Variants in TADA3 observed in about 807,000 individuals in gnomAD.
The protein encoded by TADA3 is transcriptional adapter 3.
Under a neutral mutation model 43.2 loss-of-function variants are expected in TADA3, and 25 were observed. That is an observed-to-expected ratio of 0.58 (90% CI 0.42 to 0.81). The LOEUF (loss-of-function observed/expected upper bound fraction) is 0.81, where lower values mean the gene tolerates loss of function less well. TADA3 is among the 30% of genes least tolerant of loss of function. The pLI is 0.00. For missense variants in TADA3, 441 were observed against 567.8 expected (o/e 0.78, Z 2.27); for synonymous variants, 235 against 225.5 (o/e 1.04, Z -0.38).
In TADA3 at chr3:9,790,004, AAC is replaced by A; in HGVS notation, c.208-43_208-42del. On this transcript the variant is annotated intron_variant, in intron 2 of 8. Transcript: ENST00000301964. ...AGTGTCACTGAGGGGGAGAAGGGAA[AAC>A]ACAGAATATCTCTTTCCTCTAGTGA... 1.9e-6 allele frequency: 3 copies of A among 1,541,032 alleles called. No homozygotes were observed. The South Asian group carries it at 3.8e-5, about 20-fold the overall frequency.
At chr3:9,787,943 G>A (rs913043622) in intron 4 of TADA3, 12 of 357,108 alleles carry the variant, frequency 3.4e-5, no homozygotes, top group African/African-American at 4.3e-5. Flanking sequence ...CAGCGAGGAG[G>A]CTGTGGTGTC....
intron 4 of TADA3, among the ~76,000 whole-genome samples, chr3:9,788,898 T>G (rs2125625910): frequency 6.7e-6 from 1 of 149,964 alleles, no homozygotes; most frequent in Non-Finnish European, 1.5e-5. Context: ...TGCAGTGGCG[T>G]GATCTCGGCT....
Position 9,787,193 on chromosome 3 carries a change from G to GA in TADA3, c.706+5_706+6insT. ...CCTGGGGTTGGCAGGGAGGTGAGAG[G>GA]CCTACCTTTAGTGTCCAGTTCGGTC... On this transcript the variant is annotated splice_donor_region_variant and intron_variant, in intron 5 of 8. Coordinates refer to ENST00000301964, the MANE Select transcript of TADA3 (RefSeq NM_006354.5). 1 of 1,614,150 alleles carries GA rather than the reference G, an allele frequency of 6.2e-7. No individual in the cohort carries two copies. Among genetic ancestry groups the GA allele is most frequent in the Non-Finnish European group, 8.5e-7 (1 of 1,180,028 alleles).
chr3:9,785,194 G>C (rs2078578489), intron 7 of TADA3, 122 bp downstream of exon 7: 1 of 673,722 alleles, frequency 1.5e-6, no homozygotes, highest in Non-Finnish European at 2.6e-6. Context: ...ACTTGAGACT[G>C]CTATTAGGCT....
Position 9,787,232 on chromosome 3 carries a change from G to A in TADA3, c.673C>T (p.Leu225Phe), listed in dbSNP as rs765509909. The A allele has an allele frequency of 1.2e-6, 2 of 1,614,204 alleles. No individual in the cohort carries two copies. Among genetic ancestry groups the A allele is most frequent in the African/African-American group, 1.3e-5 (1 of 75,036 alleles). ...AAAVADKKKGLMGPLTELDTK... is the reference protein window; with the variant it reads ...AAAVADKKKGFMGPLTELDTK... ...TCCAGTTCGGTCAGTGGCCCCATGA[G>A]GCCTTTCTTCTTGTCAGCCACAGCC... is the stretch of plus-strand genomic sequence containing the variant. The change falls in exon 5 of 9, where the codon CTC becomes TTC. Residue 225 changes from leucine to phenylalanine, a missense_variant. By Grantham distance (22) the Leu-to-Phe change is conservative. Coordinates refer to ENST00000301964, the MANE Select transcript of TADA3 (RefSeq NM_006354.5).
intron 6 of TADA3, 81 bp downstream of exon 6, chr3:9,786,925 T>G: frequency 8.3e-6 from 11 of 1,324,704 alleles, no homozygotes; most frequent in Non-Finnish European, 8.5e-6. Context: ...AATAAATGTA[T>G]GATAAATTCC....
Position 9,779,970 on chromosome 3 carries a change from T to C in TADA3, c.*387A>G, listed in dbSNP as rs2125612475. Reference sequence around the variant, plus strand: ...CAGACATTCAAAGACTGGATGCTTTTTTTGAAAAACCACAGCAGTCACTTT... The same window carrying C: ...CAGACATTCAAAGACTGGATGCTTTCTTTGAAAAACCACAGCAGTCACTTT... On this transcript the variant is annotated 3_prime_UTR_variant, in exon 9 of 9. Transcript: ENST00000301964. 1 of 162,036 alleles carries C rather than the reference T, an allele frequency of 6.2e-6. No homozygotes were observed. The highest frequency in any genetic ancestry group is 1.8e-4 in the East Asian group (1 of 5,584). The allele number at this position is 162,036 out of a possible 1,614,324, so 10.0% of individuals were successfully genotyped here.
Position 9,791,499 on chromosome 3 carries a change from G to A in TADA3, c.-27-6C>T, listed in dbSNP as rs1480962085. On this transcript the variant is annotated splice_polypyrimidine_tract_variant and splice_region_variant and intron_variant, in intron 1 of 8. Transcript: ENST00000301964. ...GATATGGGGATCCTGTGGAGCTGGAGAGGACAGGGCCATTGATGGGAGACA... is the reference window on the plus strand; with the variant it reads ...GATATGGGGATCCTGTGGAGCTGGAAAGGACAGGGCCATTGATGGGAGACA... 6.5e-7 allele frequency: 1 copy of A among 1,549,946 alleles called. No homozygotes were observed. The highest frequency in any genetic ancestry group is 2.3e-5 in the East Asian group (1 of 44,198).
At position 9,791,396 on chromosome 3, in the gene TADA3, G is replaced by T; in HGVS notation, c.71C>A (p.Pro24His). The T allele has an allele frequency of 6.2e-7, 1 of 1,614,154 alleles. No homozygotes were observed. The highest frequency in any genetic ancestry group is 8.5e-7 in the Non-Finnish European group (1 of 1,179,994). Residue 24 changes from proline to histidine, a missense_variant, in exon 2 of 9, where the codon CCC (proline) becomes CAC (histidine). Transcript: ENST00000301964. ...FKSVDHLKVC[P>H]RYTAVLARSE... ...GCGTGCCAGCACTGCCGTGTAGCGGGGACAGACCTTCAGGTGATCCACAGA... is the reference window on the plus strand; with the variant it reads ...GCGTGCCAGCACTGCCGTGTAGCGGTGACAGACCTTCAGGTGATCCACAGA...
Position 9,780,132 on chromosome 3 carries a change from C to T in TADA3, c.*225G>A, listed in dbSNP as rs2078425290. On this transcript the variant is annotated 3_prime_UTR_variant, in exon 9 of 9. Transcript: ENST00000301964. The stretch of plus-strand genomic sequence containing the variant: ...AACGAAGTCCCCTCCAACCCCATCT[C>T]GGGGACCAAGCAGAGACTAGGCCTC... 3 of 447,478 alleles carry T rather than the reference C, an allele frequency of 6.7e-6. No individual in the cohort carries two copies. The highest frequency in any genetic ancestry group is 5.1e-5 in the South Asian group (1 of 19,718). The allele number at this position is 447,478 out of a possible 1,614,324, so 27.7% of individuals were successfully genotyped here. A position where few individuals can be genotyped will look rare whatever the true frequency, so the allele number is the denominator to read the frequency against.
At position 9,787,813 on chromosome 3, in the gene TADA3, C is replaced by T. The variant is rs765569573; in HGVS notation, c.565-473G>A. 4.5e-6 allele frequency: 4 copies of T among 882,436 alleles called. No homozygotes were observed. In the Admixed American group the frequency reaches 7.2e-5, roughly 16 times the overall value. 54.7% of individuals were successfully genotyped at this position (882,436 alleles called of 1,614,324 possible). Reference sequence around the variant, plus strand: ...CACAAAGGAGAGACTGACTAACTTTCTGCTGGGGAATCTGAAAGAGTGCTT... The same window carrying T: ...CACAAAGGAGAGACTGACTAACTTTTTGCTGGGGAATCTGAAAGAGTGCTT... On this transcript the variant is annotated intron_variant, in intron 4 of 8. Coordinates refer to ENST00000301964, the MANE Select transcript of TADA3 (RefSeq NM_006354.5).
rs370987507 is a variant in TADA3, at chr3:9,780,332, A to C, written c.*25T>G. 22 of 1,594,176 alleles carry C rather than the reference A, an allele frequency of 1.4e-5. No individual in the cohort carries two copies. The highest frequency in any genetic ancestry group is 1.9e-5 in the Non-Finnish European group (22 of 1,169,962). On this transcript the variant is annotated 3_prime_UTR_variant, in exon 9 of 9. Transcript: ENST00000301964. Reference sequence around the variant, plus strand: ...TCCCTTCCCCTCCCCTAGGCCAGATAATCAGCCTGAGGCAGGGGTGAGGGC... The same window carrying C: ...TCCCTTCCCCTCCCCTAGGCCAGATCATCAGCCTGAGGCAGGGGTGAGGGC...
At chr3:9,783,943 CTGT>C (rs781041191) in intron 8 of TADA3, 82 bp downstream of exon 8, 1,270 of 1,469,032 alleles carry the variant, frequency 8.6e-4, no homozygotes, top group Non-Finnish European at 1.0e-3. Flanking sequence ...ATTGGAAAGC[CTGT>C]TGTAAAACCC....
intron 1 of TADA3, 61 bp from the exon 2 acceptor site, chr3:9,791,554 T>C: frequency 9.7e-7 from 1 of 1,034,998 alleles, no homozygotes; most frequent in African/African-American, 1.6e-5. Context: ...CAAGGGCTTC[T>C]TACCTCCAGG....
chr3:9,792,486 G>T (rs1289460880), upstream of TADA3: 1 of 1,206,762 alleles, frequency 8.3e-7, no homozygotes, highest in Non-Finnish European at 1.0e-6. Context: ...CTATGGGCGG[G>T]CCCCTTGCAG....
chr3:9,785,552 G>A (rs2078588187), intron 6 of TADA3, 127 bp from the exon 7 acceptor site: 2 of 658,228 alleles, frequency 3.0e-6, no homozygotes. Flanking sequence ...ACCTACCGTG[G>A]GAAGCCTTCC....
Position 9,787,048 on chromosome 3 carries a change from G to C in TADA3, c.768C>G (p.Pro256=), listed in dbSNP as rs769313331. The C allele has an allele frequency of 6.2e-7, 1 of 1,614,234 alleles. No homozygotes were observed. Among genetic ancestry groups the C allele is most frequent in the Non-Finnish European group, 8.5e-7 (1 of 1,180,052 alleles). The change falls in exon 6 of 9, where the codon CCC becomes CCG. Residue 256 remains proline, a synonymous_variant. Coordinates refer to ENST00000301964, the MANE Select transcript of TADA3 (RefSeq NM_006354.5). The stretch of plus-strand genomic sequence containing the variant: ...GGAGGCGCTGCGTCAGGGCACCAAA[G>C]GGGCATCCATCTTCCGGCTGTTCAT... ...AQHEQPEDGC[P]FGALTQRLLQ...
At chr3:9,792,771 GCTTGTCCT>G (rs1401781523), upstream of TADA3, 6 of 1,249,332 alleles carry the variant, frequency 4.8e-6, no homozygotes, top group Admixed American at 2.5e-4. Flanking sequence ...GTCCGCTTCG[GCTTGTCCT>G]AATTTGGTGC....
In TADA3 at chr3:9,792,471, A is replaced by C; in HGVS notation, c.-283T>G. ...GGTCGATGTGAGCAACCGCCCCGGA[A>C]CTGGCTATGGGCGGGCCCCTTGCAG... On this transcript the variant is annotated 5_prime_UTR_variant, in exon 1 of 9. Coordinates refer to ENST00000301964, the MANE Select transcript of TADA3 (RefSeq NM_006354.5). 2 of 1,183,408 alleles carry C rather than the reference A, an allele frequency of 1.7e-6. No homozygotes were observed. The highest frequency in any genetic ancestry group is 2.1e-6 in the Non-Finnish European group (2 of 957,284). 73.3% of individuals were successfully genotyped at this position (1,183,408 alleles called of 1,614,324 possible). A position where few individuals can be genotyped will look rare whatever the true frequency, so the allele number is the denominator to read the frequency against.
Sources: gnomAD v4.1 joint callset for allele counts (sites outside exome capture counted in the v4.1 genomes callset) on GRCh38, gnomAD v4.1.1 for gene constraint, MANE v1.5 for transcripts, NCBI Gene and HGNC (gene_info 2026-07-23, HGNC 2026-07-21) for gene names.